Variants in NT5DC1 observed in about 807,000 individuals in gnomAD.
NT5DC1 encodes the protein 5'-nucleotidase domain containing 1.
A neutral mutation model predicts 59.4 loss-of-function variants in NT5DC1; 42 were observed. The observed-to-expected ratio is 0.71, with a 90% confidence interval of 0.55 to 0.92. NT5DC1 has a LOEUF of 0.92. Among genes scored for constraint, NT5DC1 ranks in the 40% least tolerant of loss-of-function variants. The pLI, the probability that NT5DC1 is intolerant of heterozygous loss-of-function variation, is 0.00. For synonymous variants in NT5DC1, 172 were observed against 188.1 expected, an observed-to-expected ratio of 0.91 and a Z score of 0.70; for missense variants, 501 against 537.1, an observed-to-expected ratio of 0.93 and a Z score of 0.66.
chr6:116,243,341 A>G (rs929506209), intron 11 of NT5DC1, among the ~76,000 whole-genome samples: 8 of 152,146 alleles, frequency 5.3e-5, no homozygotes, highest in Non-Finnish European at 1.0e-4. Context: ...ATATTTTTGT[A>G]TTAACTTCTG....
Position 116,166,138 on chromosome 6 carries a change from G to A in NT5DC1, c.529+48193G>A, listed in dbSNP as rs552810654. Among the ~76,000 whole-genome samples the A allele has an allele frequency of 9.2e-5, 14 of 152,228 alleles. No homozygotes were observed. The East Asian group carries it at 1.5e-3, about 17-fold the overall frequency. ...AAGCACCCCAACCTACCCTTCAGGC[G>A]GGATTCAGAGGTTCTCGGGAGTCAA... is the stretch of plus-strand genomic sequence containing the variant. On this transcript the variant is annotated intron_variant, in intron 6 of 11. Transcript: ENST00000319550.
chr6:116,110,813 C>A, intron 3 of NT5DC1, 37 bp from the exon 4 acceptor site: 1 of 1,392,944 alleles, frequency 7.2e-7, no homozygotes, highest in Non-Finnish European at 1.0e-6. Context: ...ATTCAAGGAA[C>A]CATTAATGAG....
chr6:116,189,602 T>G (rs1781075211), intron 6 of NT5DC1, among the ~76,000 whole-genome samples: 1 of 152,014 alleles, frequency 6.6e-6, no homozygotes, highest in Non-Finnish European at 1.5e-5. Flanking sequence ...TTCTTGTGTA[T>G]TAAATAAAGT....
At chr6:116,210,425 G>A (rs1781551753) in intron 6 of NT5DC1, among the ~76,000 whole-genome samples, 2 of 151,626 alleles carry the variant, frequency 1.3e-5, no homozygotes, top group African/African-American at 4.8e-5. Flanking sequence ...GTCCCCAAAT[G>A]CCTTGTAACT....
At chr6:116,229,646 C>T (rs929274763) in intron 8 of NT5DC1, among the ~76,000 whole-genome samples, 1 of 152,138 alleles carries the variant, frequency 6.6e-6, no homozygotes, top group Non-Finnish European at 1.5e-5. Context: ...GGTGGGGATA[C>T]GGGGGAATCT....
At chr6:116,165,702 A>G (rs1051322836) in intron 6 of NT5DC1, among the ~76,000 whole-genome samples, 1 of 152,168 alleles carries the variant, frequency 6.6e-6, no homozygotes, top group Non-Finnish European at 1.5e-5. Context: ...CCTTTGTCCC[A>G]AGGGGGTTCT....
intron 8 of NT5DC1, among the ~76,000 whole-genome samples, chr6:116,233,907 C>A (rs2114556242): frequency 6.6e-6 from 1 of 151,930 alleles, no homozygotes; most frequent in African/African-American, 2.4e-5. Flanking sequence ...TTATCATCAC[C>A]ATCTATCCCC....
intron 2 of NT5DC1, 65 bp downstream of exon 2, chr6:116,106,400 TAAAAC>T: frequency 1.3e-6 from 1 of 742,896 alleles, no homozygotes. Context: ...TTGTTACTGA[TAAAAC>T]TGTAATGCTT....
In NT5DC1 at chr6:116,109,437, C is replaced by T. The variant is rs1778830609; in HGVS notation, c.257+1002C>T. Among the ~76,000 whole-genome samples, 3 of 152,350 alleles carry T rather than the reference C, an allele frequency of 2.0e-5. No individual in the cohort carries two copies. In the South Asian group the frequency reaches 6.2e-4, roughly 32 times the overall value. ...ACCTTTAACTCTTCTGTCAGATTCT[C>T]ACAGTGTTCTTGGCTATCTTCAACC... On this transcript the variant is annotated intron_variant, in intron 3 of 11. Transcript: ENST00000319550.
intron 6 of NT5DC1, among the ~76,000 whole-genome samples, chr6:116,217,542 C>T (rs1781710092): frequency 6.6e-6 from 1 of 152,012 alleles, no homozygotes. Context: ...GTCTAAATTC[C>T]ATTTTGTTCA....
chr6:116,185,523 CTG>C (rs983465315), intron 6 of NT5DC1, among the ~76,000 whole-genome samples: 13 of 151,850 alleles, frequency 8.6e-5, no homozygotes, highest in Non-Finnish European at 1.3e-4. Flanking sequence ...CTAGTAGTAA[CTG>C]TTTTATAAAT....
At chr6:116,188,704 T>C (rs1468973157) in intron 6 of NT5DC1, among the ~76,000 whole-genome samples, 1 of 115,072 alleles carries the variant, frequency 8.7e-6, no homozygotes, top group East Asian at 2.1e-4. Flanking sequence ...GGAAATTTTC[T>C]ACTTTTTTTT....
At chr6:116,129,322 G>A (rs1426439199) in intron 6 of NT5DC1, among the ~76,000 whole-genome samples, 1 of 152,086 alleles carries the variant, frequency 6.6e-6, no homozygotes, top group East Asian at 1.9e-4. Flanking sequence ...TTGAAATTAG[G>A]TTGATTCATA....
chr6:116,128,514 G>A (rs188403415), intron 6 of NT5DC1, among the ~76,000 whole-genome samples: 1 of 152,120 alleles, frequency 6.6e-6, no homozygotes, highest in Non-Finnish European at 1.5e-5. Context: ...TATGAATAAT[G>A]ATTTTTTTCA....
At chr6:116,165,098 GAAAAAA>G (rs71554841) in intron 6 of NT5DC1, among the ~76,000 whole-genome samples, 2 of 101,072 alleles carry the variant, frequency 2.0e-5, no homozygotes, top group Non-Finnish European at 3.8e-5. Context: ...CTCCGTCTCA[GAAAAAA>G]AAAAAAAAAA....
chr6:116,177,091 G>T (rs1388444955), intron 6 of NT5DC1, among the ~76,000 whole-genome samples: 1 of 152,106 alleles, frequency 6.6e-6, no homozygotes, highest in Non-Finnish European at 1.5e-5. Flanking sequence ...TATAATATGT[G>T]GACCGGTTTC....
At chr6:116,238,136 G>A (rs781132443) in intron 9 of NT5DC1, 51 bp from the exon 10 acceptor site, 1 of 1,391,358 alleles carries the variant, frequency 7.2e-7, no homozygotes, top group South Asian at 1.4e-5. Flanking sequence ...TGAAATAAAT[G>A]CCACTTTCAC....
chr6:116,243,350 T>C (rs1771773207), intron 11 of NT5DC1, among the ~76,000 whole-genome samples: 1 of 152,212 alleles, frequency 6.6e-6, no homozygotes, highest in African/African-American at 2.4e-5. Context: ...TATTAACTTC[T>C]GTGCAGAGTA....
At chr6:116,162,203 A>G (rs1173930779) in intron 6 of NT5DC1, among the ~76,000 whole-genome samples, 1 of 152,160 alleles carries the variant, frequency 6.6e-6, no homozygotes, top group Non-Finnish European at 1.5e-5. Context: ...TTTTAAATGT[A>G]AGATTATGTC....
Sources: gnomAD v4.1 joint callset for allele counts (sites outside exome capture counted in the v4.1 genomes callset) on GRCh38, gnomAD v4.1.1 for gene constraint, MANE v1.5 for transcripts, NCBI Gene and HGNC (gene_info 2026-07-23, HGNC 2026-07-21) for gene names.